The following ST6GALNAC5 variants were observed in gnomAD, a reference collection of about 807,000 sequenced individuals.
The protein encoded by ST6GALNAC5 is alpha-N-acetylgalactosaminide alpha-2,6-sialyltransferase 5.
In ST6GALNAC5, 27 loss-of-function variants were observed where a neutral mutation model predicts 33.6. That is an observed-to-expected ratio of 0.80 (90% CI 0.59 to 1.11). The LOEUF (loss-of-function observed/expected upper bound fraction) is 1.11, where lower values mean the gene tolerates loss of function less well. Among genes scored for constraint, ST6GALNAC5 ranks in the 50% least tolerant of loss-of-function variants. The pLI is 0.00. For synonymous variants in ST6GALNAC5, 194 were observed against 171.2 expected, an observed-to-expected ratio of 1.13 and a Z score of -1.04; for missense variants, 428 against 454.0, an observed-to-expected ratio of 0.94 and a Z score of 0.52.
intron 2 of ST6GALNAC5, among the ~76,000 whole-genome samples, chr1:76,877,953 A>T (rs1286708171): frequency 6.6e-6 from 1 of 152,232 alleles, no homozygotes; most frequent in Admixed American, 6.5e-5. Context: ...AGATGTGTTA[A>T]TTTGCTCAAG....
intron 2 of ST6GALNAC5, among the ~76,000 whole-genome samples, chr1:76,943,209 T>C (rs1391708045): frequency 2.0e-5 from 3 of 152,156 alleles, no homozygotes; most frequent in Non-Finnish European, 4.4e-5. Context: ...ATTCCCATTT[T>C]ACAAGTGAAG....
At chr1:76,984,866 C>A (rs1409806707) in intron 2 of ST6GALNAC5, among the ~76,000 whole-genome samples, 1 of 152,186 alleles carries the variant, frequency 6.6e-6, no homozygotes, top group Non-Finnish European at 1.5e-5. Flanking sequence ...TCAACATACA[C>A]AAATCAATAA....
At position 77,066,134 on chromosome 1, in the gene ST6GALNAC5, G is replaced by A. The variant is rs941496514; in HGVS notation, c.*2928G>A. Among the ~76,000 whole-genome samples, 1 of 152,142 alleles carries A rather than the reference G, an allele frequency of 6.6e-6. No individual in the cohort carries two copies. Among genetic ancestry groups the A allele is most frequent in the South Asian group, 2.1e-4 (1 of 4,830 alleles). Reference sequence around the variant, plus strand: ...GTGTGATTTCCATTACCGTTAATGGGCATTTGGCAACTAAGTCCCTGTGCT... The same window carrying A: ...GTGTGATTTCCATTACCGTTAATGGACATTTGGCAACTAAGTCCCTGTGCT... On this transcript the variant is annotated 3_prime_UTR_variant, in exon 5 of 5. Transcript: ENST00000477717.
intron 2 of ST6GALNAC5, among the ~76,000 whole-genome samples, chr1:77,024,017 T>G (rs1431458711): frequency 6.6e-6 from 1 of 152,176 alleles, no homozygotes. Context: ...GAGACAGATC[T>G]GAGAGAGCCC....
chr1:76,982,189 A>G (rs1040266504), intron 2 of ST6GALNAC5, among the ~76,000 whole-genome samples: 1 of 152,220 alleles, frequency 6.6e-6, no homozygotes, highest in African/African-American at 2.4e-5. Flanking sequence ...AGTAGTCTTC[A>G]GAAGGTCGGT....
intron 2 of ST6GALNAC5, among the ~76,000 whole-genome samples, chr1:77,030,866 C>T (rs1386271269): frequency 6.6e-6 from 1 of 152,194 alleles, no homozygotes; most frequent in East Asian, 1.9e-4. Flanking sequence ...AGCAGGGGGC[C>T]TCCATCTCTT....
At chr1:77,011,675 A>G (rs2100424398) in intron 2 of ST6GALNAC5, among the ~76,000 whole-genome samples, 1 of 152,266 alleles carries the variant, frequency 6.6e-6, no homozygotes, top group South Asian at 2.1e-4. Flanking sequence ...GTAGTACAAC[A>G]TAATTATTTT....
Position 77,063,497 on chromosome 1 carries a change from G to T in ST6GALNAC5, c.*291G>T. On this transcript the variant is annotated 3_prime_UTR_variant, in exon 5 of 5. Coordinates refer to ENST00000477717, the MANE Select transcript of ST6GALNAC5 (RefSeq NM_030965.3). The stretch of plus-strand genomic sequence containing the variant: ...GACTAAAAACAGTTTGGATCTCTTA[G>T]TATTGCCTTTGAAACTGCAACATAA... 1 of 389,628 alleles carries T rather than the reference G, an allele frequency of 2.6e-6. No individual in the cohort carries two copies. Among genetic ancestry groups the T allele is most frequent in the Non-Finnish European group, 4.7e-6 (1 of 211,054 alleles). 24.1% of individuals were successfully genotyped at this position (389,628 alleles called of 1,614,324 possible).
intron 4 of ST6GALNAC5, among the ~76,000 whole-genome samples, chr1:77,057,820 A>G (rs980244073): frequency 6.6e-6 from 1 of 152,188 alleles, no homozygotes; most frequent in Non-Finnish European, 1.5e-5. Context: ...GTACCCAGAA[A>G]TGGAAGTGTC....
intron 2 of ST6GALNAC5, among the ~76,000 whole-genome samples, chr1:76,907,355 C>A (rs900892951): frequency 6.6e-6 from 1 of 152,052 alleles, no homozygotes; most frequent in Non-Finnish European, 1.5e-5. Flanking sequence ...AACACCCAAC[C>A]CTGCTTGGTG....
chr1:77,046,632 T>A (rs1212823415), intron 3 of ST6GALNAC5, among the ~76,000 whole-genome samples: 1 of 152,216 alleles, frequency 6.6e-6, no homozygotes, highest in Non-Finnish European at 1.5e-5. Context: ...AACTCACAGA[T>A]AAGAGAGACT....
In ST6GALNAC5 at chr1:76,948,042, G is replaced by T. The variant is rs193142968; in HGVS notation, c.261+79300G>T. ...ACAAATAAACCCCAAAGAGCGAATT[G>T]TTTAACACACTAAGTTTATTCTACA... On this transcript the variant is annotated intron_variant, in intron 2 of 4. Coordinates refer to ENST00000477717, the MANE Select transcript of ST6GALNAC5 (RefSeq NM_030965.3). Among the ~76,000 whole-genome samples the T allele has an allele frequency of 2.6e-5, 4 of 152,220 alleles. No individual in the cohort carries two copies. In the East Asian group the frequency reaches 7.8e-4, roughly 30 times the overall value.
At chr1:76,968,858 T>G (rs1204119243) in intron 2 of ST6GALNAC5, among the ~76,000 whole-genome samples, 1 of 152,232 alleles carries the variant, frequency 6.6e-6, no homozygotes, top group East Asian at 1.9e-4. Flanking sequence ...TGGCTGGATA[T>G]GAAATTCTGG....
chr1:76,897,391 T>C (rs1221199801), intron 2 of ST6GALNAC5, among the ~76,000 whole-genome samples: 1 of 152,208 alleles, frequency 6.6e-6, no homozygotes, highest in African/African-American at 2.4e-5. Flanking sequence ...GTAAGGCTTG[T>C]CTGGTTTTAG....
At chr1:76,887,403 T>G (rs1653922354) in intron 2 of ST6GALNAC5, among the ~76,000 whole-genome samples, 2 of 152,280 alleles carry the variant, frequency 1.3e-5, no homozygotes, top group South Asian at 4.2e-4. Flanking sequence ...TCTGTTTTTG[T>G]TTTTGTTTTG....
chr1:76,970,960 C>T (rs1441573262), intron 2 of ST6GALNAC5, among the ~76,000 whole-genome samples: 1 of 150,736 alleles, frequency 6.6e-6, no homozygotes, highest in African/African-American at 2.4e-5. Context: ...ATTTTTTTTT[C>T]CAAAACCACT....
Position 76,962,882 on chromosome 1 carries a change from T to C in ST6GALNAC5, c.262-81322T>C, listed in dbSNP as rs189109108. On this transcript the variant is annotated intron_variant, in intron 2 of 4. Coordinates refer to ENST00000477717, the MANE Select transcript of ST6GALNAC5 (RefSeq NM_030965.3). ...TATTGACTCCAAAACTAAAGGGAGA[T>C]TTATAATTCTTTACTGTTTACCAAG... Among the ~76,000 whole-genome samples the C allele has an allele frequency of 3.1e-3, 479 of 152,292 alleles. 2 individuals carry two copies. The highest frequency in any genetic ancestry group is 5.3e-3 in the Non-Finnish European group (358 of 68,010).
chr1:76,887,274 C>T (rs1030412704), intron 2 of ST6GALNAC5, among the ~76,000 whole-genome samples: 2 of 152,156 alleles, frequency 1.3e-5, no homozygotes, highest in Non-Finnish European at 2.9e-5. Flanking sequence ...GAAGTGTTCC[C>T]ATACTCCTAC....
chr1:76,954,338 T>C lies in ST6GALNAC5; in HGVS notation c.261+85596T>C, dbSNP rs148866181. Among the ~76,000 whole-genome samples the C allele has an allele frequency of 6.6e-3, 1,006 of 152,124 alleles. 10 individuals carry two copies. The highest frequency in any genetic ancestry group is 0.023 in the African/African-American group (939 of 41,510). On this transcript the variant is annotated intron_variant, in intron 2 of 4. Coordinates refer to ENST00000477717, the MANE Select transcript of ST6GALNAC5 (RefSeq NM_030965.3). Reference sequence around the variant, plus strand: ...GTGGGAGCTGAATTATAAGAACACATGGACACATGTGGGAGAACAACCCAC... The same window carrying C: ...GTGGGAGCTGAATTATAAGAACACACGGACACATGTGGGAGAACAACCCAC...
Sources: gnomAD v4.1 joint callset for allele counts (sites outside exome capture counted in the v4.1 genomes callset) on GRCh38, gnomAD v4.1.1 for gene constraint, MANE v1.5 for transcripts, NCBI Gene and HGNC (gene_info 2026-07-23, HGNC 2026-07-21) for gene names.